CRB1: variants seen among roughly 807,000 people sequenced by gnomAD.
CRB1 encodes the protein crumbs cell polarity complex component 1, also known as protein crumbs homolog 1.
A neutral mutation model predicts 120.0 loss-of-function variants in CRB1; 83 were observed. That is an observed-to-expected ratio of 0.69 (90% confidence interval 0.58 to 0.83). The LOEUF is 0.83. CRB1 is among the 40% of genes least tolerant of loss of function. CRB1 has a pLI of 0.00. For missense variants in CRB1, 1,699 were observed against 1,687.6 expected (o/e 1.01, Z -0.12); for synonymous variants, 625 against 612.5 (o/e 1.02, Z -0.30).
chr1:197,279,835 CT>C (rs58204645), intron 1 of CRB1, among the ~76,000 whole-genome samples: 2,688 of 142,106 alleles, frequency 0.019, 51 homozygotes, highest in African/African-American at 0.049. Flanking sequence ...TCTCTAAAGC[CT>C]TTTTTTTTTT....
chr1:197,284,647 C>T lies in CRB1; in HGVS notation c.70+16165C>T, dbSNP rs574052155. ...GCAAATCAGAGGTCTAGTCTTCAGCCATTTCCAGAGAGGAGGCCAAAGAAA... is the reference window on the plus strand; with the variant it reads ...GCAAATCAGAGGTCTAGTCTTCAGCTATTTCCAGAGAGGAGGCCAAAGAAA... On this transcript the variant is annotated intron_variant, in intron 1 of 11. Transcript: ENST00000367400. Among the ~76,000 whole-genome samples, 4 of 151,974 alleles carry T rather than the reference C, an allele frequency of 2.6e-5. No homozygotes were observed. The East Asian group carries it at 7.8e-4, about 30-fold the overall frequency.
the CRB1 span, among the ~76,000 whole-genome samples, chr1:197,206,689 A>G: frequency 3.3e-5 from 5 of 152,094 alleles, no homozygotes; most frequent in African/African-American, 1.2e-4. Flanking sequence ...AGAATGTACC[A>G]TGTGCTGATG....
chr1:197,304,754 C>G (rs1657066548), intron 1 of CRB1, among the ~76,000 whole-genome samples: 1 of 152,216 alleles, frequency 6.6e-6, no homozygotes, highest in Non-Finnish European at 1.5e-5. Flanking sequence ...ATCTTGGCAA[C>G]AGCATTCCAT....
At chr1:197,379,605 CAAAAAAAAAAAAAA>C (rs75820081) in intron 5 of CRB1, among the ~76,000 whole-genome samples, 4 of 74,386 alleles carry the variant, frequency 5.4e-5, no homozygotes, top group Non-Finnish European at 1.0e-4. Context: ...CGGCCCCGGC[CAAAAAAAAAAAAAA>C]AAAAAAAAAA....
intron 6 of CRB1, among the ~76,000 whole-genome samples, chr1:197,424,483 G>A (rs1008595910): frequency 3.3e-5 from 5 of 152,040 alleles, no homozygotes; most frequent in African/African-American, 7.3e-5. Context: ...ATAGTTTTCC[G>A]ACACTTCATC....
chr1:197,446,549 G>A (rs967868120), intron 11 of CRB1, among the ~76,000 whole-genome samples: 1 of 152,166 alleles, frequency 6.6e-6, no homozygotes, highest in Admixed American at 6.5e-5. Context: ...GAGAATCCTT[G>A]AAGGGTTTCA....
chr1:197,347,386 G>A lies in CRB1; in HGVS notation c.895G>A (p.Glu299Lys). The A allele has an allele frequency of 6.2e-7, 1 of 1,614,002 alleles. No individual in the cohort carries two copies. The highest frequency in any genetic ancestry group is 8.5e-7 in the Non-Finnish European group (1 of 1,179,884). ...TAGTGGATTCACAGGGACACACTGT[G>A]AGACCTTGATGCCTCTTTGTTGGTC... ...TGSGFTGTHCETLMPLCWSKP... is the reference protein window; with the variant it reads ...TGSGFTGTHCKTLMPLCWSKP... The change falls in exon 4 of 12, where the codon GAG becomes AAG. Residue 299 changes from glutamate to lysine, a missense_variant. By Grantham distance (56) the Glu-to-Lys change is moderately conservative (BLOSUM62 1). Coordinates refer to ENST00000367400, the MANE Select transcript of CRB1 (RefSeq NM_201253.3).
intron 11 of CRB1, 132 bp from the exon 12 acceptor site, chr1:197,477,532 C>T: frequency 1.3e-6 from 1 of 769,918 alleles, no homozygotes; most frequent in East Asian, 2.6e-5. Flanking sequence ...CTTTTAATAC[C>T]TTGGTCTTTT....
chr1:197,241,794 T>C, the CRB1 span, among the ~76,000 whole-genome samples: 1 of 151,184 alleles, frequency 6.6e-6, no homozygotes, highest in Non-Finnish European at 1.5e-5. Flanking sequence ...AGTATGGCCA[T>C]TTTCACAGTA....
chr1:197,442,297 G>A lies in CRB1; in HGVS notation c.4005+5G>A, dbSNP rs1256915858. 1 of 1,614,076 alleles carries A rather than the reference G, an allele frequency of 6.2e-7. No homozygotes were observed. The highest frequency in any genetic ancestry group is 2.2e-5 in the East Asian group (1 of 44,896). On this transcript the variant is annotated splice_donor_5th_base_variant and intron_variant, in intron 11 of 11. Transcript: ENST00000367400. The stretch of plus-strand genomic sequence containing the variant: ...GGCGAGCGCTGCGAGGTGGACGTAA[G>A]CAGCCTCTCCTTTTATGTCTCTCTC...
At chr1:197,248,268 C>A in the CRB1 span, among the ~76,000 whole-genome samples, 1 of 151,944 alleles carries the variant, frequency 6.6e-6, no homozygotes, top group Non-Finnish European at 1.5e-5. Context: ...GTAAAGTTAG[C>A]TAATTAAATA....
chr1:197,277,095 A>G (rs1033221883), intron 1 of CRB1, among the ~76,000 whole-genome samples: 1 of 151,948 alleles, frequency 6.6e-6, no homozygotes, highest in African/African-American at 2.4e-5. Flanking sequence ...AGTGTTTGGG[A>G]AGATTTATTT....
chr1:197,353,271 T>C (rs1660210643), intron 4 of CRB1, among the ~76,000 whole-genome samples: 1 of 152,196 alleles, frequency 6.6e-6, no homozygotes, highest in African/African-American at 2.4e-5. Context: ...GAGAGTTTTC[T>C]AGAAGAGAGA....
chr1:197,257,955 A>C, the CRB1 span, among the ~76,000 whole-genome samples: 2 of 152,188 alleles, frequency 1.3e-5, no homozygotes, highest in African/African-American at 4.8e-5. Flanking sequence ...TAGCTGGATC[A>C]ATTCAGCTGG....
intron 5 of CRB1, among the ~76,000 whole-genome samples, chr1:197,382,084 T>G (rs1210532944): frequency 6.6e-6 from 1 of 151,892 alleles, no homozygotes; most frequent in Non-Finnish European, 1.5e-5. Flanking sequence ...TGACGGGGAG[T>G]AGGGACTGTG....
the CRB1 span, among the ~76,000 whole-genome samples, chr1:197,202,962 G>GGTGTGTGTGTGT: frequency 8.3e-4 from 122 of 147,640 alleles, no homozygotes; most frequent in African/African-American, 2.8e-3. Flanking sequence ...ATGTCTTTGT[G>GGTGTGTGTGTGT]GTGTGTGTGT....
chr1:197,281,512 T>C (rs1655519559), intron 1 of CRB1, among the ~76,000 whole-genome samples: 1 of 151,722 alleles, frequency 6.6e-6, no homozygotes, highest in African/African-American at 2.4e-5. Flanking sequence ...GAAGGGGGGT[T>C]GAAAGCCACT....
chr1:197,215,680 AC>A, the CRB1 span, among the ~76,000 whole-genome samples: 967 of 152,224 alleles, frequency 6.4e-3, 9 homozygotes, highest in African/African-American at 0.022. Flanking sequence ...TCCCCCTTTT[AC>A]CCAGCACTTC....
intron 1 of CRB1, among the ~76,000 whole-genome samples, chr1:197,309,511 T>C (rs1657383933): frequency 1.3e-5 from 2 of 152,124 alleles, no homozygotes; most frequent in Admixed American, 6.5e-5. Context: ...TCCCAGCACT[T>C]TGGGAGGCCG....
Sources: allele counts gnomAD v4.1 joint callset (sites outside exome capture counted in the v4.1 genomes callset), GRCh38; gene constraint gnomAD v4.1.1; transcripts MANE v1.5; gene names NCBI Gene and HGNC (gene_info 2026-07-23, HGNC 2026-07-21).